The following ITPR2 variants were observed in gnomAD, a reference collection of about 807,000 sequenced individuals.
ITPR2 encodes inositol 1,4,5-trisphosphate receptor type 2.
Under a neutral mutation model 317.1 loss-of-function variants are expected in ITPR2, and 207 were observed. That is an observed-to-expected ratio of 0.65 (90% CI 0.58 to 0.73). The LOEUF is 0.73. Ranked by LOEUF, ITPR2 falls within the 30% of genes least tolerant of loss-of-function variation. The probability of loss-of-function intolerance (pLI) is 0.00; values close to 1 mark genes in which losing one functional copy is unlikely to be tolerated. For missense variants in ITPR2, 2,613 were observed against 3,284.0 expected (o/e 0.80, Z 4.99); for synonymous variants, 1,156 against 1,149.1 (o/e 1.01, Z -0.12).
At chr12:26,498,234 G>C (rs937692396) in intron 37 of ITPR2, among the ~76,000 whole-genome samples, 15 of 152,308 alleles carry the variant, frequency 9.8e-5, no homozygotes, top group Non-Finnish European at 1.8e-4. Context: ...AAACAGTGAA[G>C]TATAACAGCT....
intron 45 of ITPR2, among the ~76,000 whole-genome samples, chr12:26,473,617 A>C (rs1031370217): frequency 2.0e-5 from 3 of 152,194 alleles, no homozygotes; most frequent in Non-Finnish European, 4.4e-5. Context: ...TTCCCTCCAC[A>C]GTGCTACAGC....
chr12:26,665,733 T>C (rs1193080157), intron 14 of ITPR2, among the ~76,000 whole-genome samples, 177 bp downstream of exon 14: 2 of 152,168 alleles, frequency 1.3e-5, no homozygotes, highest in Admixed American at 1.3e-4. Flanking sequence ...GATCTGCCCA[T>C]GTAAGCCACG....
At chr12:26,507,288 T>C (rs1317544514) in intron 37 of ITPR2, among the ~76,000 whole-genome samples, 1 of 152,184 alleles carries the variant, frequency 6.6e-6, no homozygotes, top group East Asian at 1.9e-4. Flanking sequence ...GAAAATGAGG[T>C]CTCAGTTCAA....
At position 26,681,936 on chromosome 12, in the gene ITPR2, A is replaced by T; in HGVS notation, c.1347T>A (p.Asn449Lys). The T allele has an allele frequency of 6.2e-7, 1 of 1,613,598 alleles. No homozygotes were observed. The highest frequency in any genetic ancestry group is 8.5e-7 in the Non-Finnish European group (1 of 1,179,594). The part of the protein sequence containing the change: ...VRDLDFANDA[N>K]KVLATTVKKL... ...TTTTAACTGTGGTCGCTAGTACTTT[A>T]TTGGCATCATTGGCAAAGTCTAAGT... The change falls in exon 13 of 57, where the codon AAT (asparagine) becomes AAA (lysine). Residue 449 changes from asparagine to lysine, a missense_variant. This residue lies in a region of ITPR2 where 515 missense variants were observed against 789.4 expected (regional missense o/e 0.65). Transcript: ENST00000381340.
chr12:26,458,603 C>T (rs78404423), intron 45 of ITPR2, among the ~76,000 whole-genome samples: 27 of 152,124 alleles, frequency 1.8e-4, no homozygotes, highest in Non-Finnish European at 3.7e-4. Flanking sequence ...AAGATAAACA[C>T]GAGACACTTC....
chr12:26,632,842 G>A (rs775428753), intron 21 of ITPR2, among the ~76,000 whole-genome samples: 2 of 152,106 alleles, frequency 1.3e-5, no homozygotes, highest in Non-Finnish European at 2.9e-5. Context: ...TCATGCACAC[G>A]TTCCTTACAC....
At chr12:26,373,334 T>A (rs1335822212) in intron 55 of ITPR2, among the ~76,000 whole-genome samples, 1 of 152,238 alleles carries the variant, frequency 6.6e-6, no homozygotes, top group Non-Finnish European at 1.5e-5. Context: ...AAGTCTCTTC[T>A]CAACGTCATA....
intron 1 of ITPR2, among the ~76,000 whole-genome samples, chr12:26,802,580 G>T (rs1176048116): frequency 7.6e-4 from 7 of 9,234 alleles, no homozygotes; most frequent in South Asian, 3.5e-3. Context: ...TATAGATATA[G>T]ATATATCTAT....
At position 26,486,101 on chromosome 12, in the gene ITPR2, T is replaced by C. The variant is rs779196640; in HGVS notation, c.5811+3A>G. The C allele has an allele frequency of 6.2e-7, 1 of 1,614,054 alleles. No individual in the cohort carries two copies. The highest frequency in any genetic ancestry group is 8.5e-7 in the Non-Finnish European group (1 of 1,179,910). ...CAGCTTTCACACAAAACAGAACAAATACCTGCAATTCCCGGTTGTGATTCT... is the reference window on the plus strand; with the variant it reads ...CAGCTTTCACACAAAACAGAACAAACACCTGCAATTCCCGGTTGTGATTCT... On this transcript the variant is annotated splice_donor_region_variant and intron_variant, in intron 41 of 56. Coordinates refer to ENST00000381340, the MANE Select transcript of ITPR2 (RefSeq NM_002223.4).
chr12:26,351,382 G>C (rs1938480010), intron 55 of ITPR2, among the ~76,000 whole-genome samples: 1 of 152,254 alleles, frequency 6.6e-6, no homozygotes, highest in Admixed American at 6.5e-5. Flanking sequence ...GTCTGAGCAA[G>C]GGGCCTGCCC....
chr12:26,649,653 C>T lies in ITPR2; in HGVS notation c.2740+4323G>A, dbSNP rs191569194. Among the ~76,000 whole-genome samples, 1,165 of 152,298 alleles carry T rather than the reference C, an allele frequency of 7.6e-3. 7 individuals are homozygous for T. Among genetic ancestry groups the T allele is most frequent in the South Asian group, 0.029 (141 of 4,824 alleles). On this transcript the variant is annotated intron_variant, in intron 21 of 56. Coordinates refer to ENST00000381340, the MANE Select transcript of ITPR2 (RefSeq NM_002223.4). ...CATATCAATCCCTTCTCAAATCCCT[C>T]CAGAGATTGCCCACCAAACTTAAAA... is the stretch of plus-strand genomic sequence containing the variant.
chr12:26,579,605 T>A (rs1347477185), intron 33 of ITPR2, among the ~76,000 whole-genome samples: 1 of 152,128 alleles, frequency 6.6e-6, no homozygotes, highest in Admixed American at 6.6e-5. Context: ...ATTTAGCTTT[T>A]CCTCCTTTTA....
At chr12:26,804,889 C>G (rs1357402276) in intron 1 of ITPR2, among the ~76,000 whole-genome samples, 2 of 152,072 alleles carry the variant, frequency 1.3e-5, no homozygotes, top group Non-Finnish European at 2.9e-5. Context: ...CGTGCACCAC[C>G]ACACCTGGCT....
chr12:26,796,993 C>T (rs974675401), intron 1 of ITPR2, among the ~76,000 whole-genome samples: 1 of 152,072 alleles, frequency 6.6e-6, no homozygotes, highest in South Asian at 2.1e-4. Context: ...GCTGATATCA[C>T]GCCACTGCCC....
Position 26,811,276 on chromosome 12 carries a change from A to G in ITPR2, c.93-21049T>C, listed in dbSNP as rs114952233. Reference sequence around the variant, plus strand: ...GAAACTAATTCAACATTTTCTTCCTATTTGCATCACTGCTGAAGAGGAAAC... The same window carrying G: ...GAAACTAATTCAACATTTTCTTCCTGTTTGCATCACTGCTGAAGAGGAAAC... On this transcript the variant is annotated intron_variant, in intron 1 of 56. Transcript: ENST00000381340. 1.7e-3 allele frequency among the ~76,000 whole-genome samples: 266 copies of G among 152,298 alleles called. 1 individual carries two copies. The highest frequency in any genetic ancestry group is 6.3e-3 in the African/African-American group (260 of 41,556).
At chr12:26,356,995 C>T (rs1384016227) in intron 55 of ITPR2, among the ~76,000 whole-genome samples, 1 of 152,110 alleles carries the variant, frequency 6.6e-6, no homozygotes, top group Non-Finnish European at 1.5e-5. Context: ...CATGATGAAG[C>T]CAGTCTGATG....
At chr12:26,709,672 A>G (rs1441449367) in intron 9 of ITPR2, among the ~76,000 whole-genome samples, 1 of 152,236 alleles carries the variant, frequency 6.6e-6, no homozygotes, top group Non-Finnish European at 1.5e-5. Flanking sequence ...TTGCTTGAAA[A>G]GTGAACAGGG....
intron 37 of ITPR2, among the ~76,000 whole-genome samples, chr12:26,512,495 C>T (rs1943380684): frequency 1.3e-5 from 2 of 152,180 alleles, no homozygotes; most frequent in South Asian, 2.1e-4. Context: ...AATCGTGTAT[C>T]GAGTGAAAGG....
At chr12:26,395,877 G>A (rs985122592) in intron 54 of ITPR2, among the ~76,000 whole-genome samples, 1 of 152,164 alleles carries the variant, frequency 6.6e-6, no homozygotes, top group African/African-American at 2.4e-5. Context: ...GGATGTTGAC[G>A]GGAGCCAAGT....
Sources: gnomAD v4.1 joint callset for allele counts (sites outside exome capture counted in the v4.1 genomes callset) on GRCh38, gnomAD v4.1.1 for gene constraint, gnomAD v4.1.1 regional missense constraint, MANE v1.5 for transcripts, NCBI Gene and HGNC (gene_info 2026-07-23, HGNC 2026-07-21) for gene names.